The following SIL1 variants were observed in gnomAD, a reference collection of about 807,000 sequenced individuals.
SIL1 encodes nucleotide exchange factor SIL1.
Under a neutral mutation model 49.1 loss-of-function variants are expected in SIL1, and 40 were observed. The observed-to-expected ratio is 0.81, with a 90% CI of 0.63 to 1.06. SIL1 has a LOEUF of 1.06. SIL1 is among the 50% of genes least tolerant of loss of function. The pLI is 0.00. For synonymous variants in SIL1, 253 were observed against 250.8 expected (o/e 1.01, Z -0.08); for missense variants, 500 against 572.6 (o/e 0.87, Z 1.29).
chr5:139,064,227 T>C (rs1435366796), intron 3 of SIL1, among the ~76,000 whole-genome samples: 1 of 152,184 alleles, frequency 6.6e-6, no homozygotes, highest in Admixed American at 6.5e-5. Flanking sequence ...GCCCCTCAGT[T>C]TGGATACTCC....
chr5:139,094,453 C>A (rs1269564389), intron 3 of SIL1, among the ~76,000 whole-genome samples: 1 of 152,114 alleles, frequency 6.6e-6, no homozygotes, highest in Non-Finnish European at 1.5e-5. Context: ...TAAGTAAAAT[C>A]TATAGATTAA....
At chr5:139,167,752 T>A (rs1751653366) in intron 1 of SIL1, among the ~76,000 whole-genome samples, 1 of 152,244 alleles carries the variant, frequency 6.6e-6, no homozygotes, top group Non-Finnish European at 1.5e-5. Context: ...TAGGCTTTCA[T>A]ATTCACTGAC....
chr5:139,094,310 A>G (rs1770407595), intron 3 of SIL1, among the ~76,000 whole-genome samples: 1 of 152,234 alleles, frequency 6.6e-6, no homozygotes, highest in Non-Finnish European at 1.5e-5. Flanking sequence ...TCATTAGCCA[A>G]TCTTTATTGA....
chr5:139,113,306 A>T (rs1234540774), intron 3 of SIL1, among the ~76,000 whole-genome samples: 2 of 145,620 alleles, frequency 1.4e-5, no homozygotes, highest in South Asian at 4.4e-4. Flanking sequence ...AAAATAAAAT[A>T]AAAAATAAAT....
chr5:138,998,066 A>G (rs931374679), intron 7 of SIL1, among the ~76,000 whole-genome samples: 1 of 152,214 alleles, frequency 6.6e-6, no homozygotes, highest in African/African-American at 2.4e-5. Context: ...TCATTTTAAC[A>G]ATATTAATTA....
At chr5:139,194,679 C>T (rs1752232370) in intron 1 of SIL1, among the ~76,000 whole-genome samples, 1 of 151,776 alleles carries the variant, frequency 6.6e-6, no homozygotes, top group South Asian at 2.1e-4. Context: ...CATCTGGAGC[C>T]CCCAGAAAAA....
chr5:139,157,228 A>C (rs1458717653), intron 1 of SIL1, among the ~76,000 whole-genome samples: 2 of 152,236 alleles, frequency 1.3e-5, no homozygotes, highest in African/African-American at 4.8e-5. Flanking sequence ...AAGTAAATCA[A>C]ACTGTCTAAC....
At chr5:139,115,035 A>G (rs1459437960) in intron 3 of SIL1, among the ~76,000 whole-genome samples, 1 of 151,828 alleles carries the variant, frequency 6.6e-6, no homozygotes, top group Non-Finnish European at 1.5e-5. Flanking sequence ...TGGGCCTCAC[A>G]TGTGTGTGCA....
rs373584010 is a variant in SIL1, at chr5:139,160,143, T to TTACACA, written c.-10-32291_-10-32290insTGTGTA. On this transcript the variant is annotated intron_variant, in intron 1 of 9. Coordinates refer to ENST00000394817, the MANE Select transcript of SIL1 (RefSeq NM_022464.5). ...ACCCATCCCAATCACATTTCCACAA[T>TTACACA]CACACACACACACACACACACACAC... Among the ~76,000 whole-genome samples the TTACACA allele has an allele frequency of 1.8e-3, 243 of 137,864 alleles. 1 individual carries two copies. The highest frequency in any genetic ancestry group is 6.5e-3 in the African/African-American group (235 of 36,092). 90.4% of individuals were successfully genotyped at this position (137,864 alleles called of 152,430 possible). A position where few individuals can be genotyped will look rare whatever the true frequency, so the allele number is the denominator to read the frequency against.
chr5:139,118,302 C>T (rs1161371221), intron 3 of SIL1, among the ~76,000 whole-genome samples: 1 of 152,212 alleles, frequency 6.6e-6, no homozygotes, highest in East Asian at 1.9e-4. Context: ...CCCTCACCGG[C>T]ATCCAGTGAT....
At chr5:139,159,244 T>C (rs1021466146) in intron 1 of SIL1, among the ~76,000 whole-genome samples, 1 of 152,132 alleles carries the variant, frequency 6.6e-6, no homozygotes, top group Admixed American at 6.5e-5. Flanking sequence ...TCCTTTCTGA[T>C]GGAAGAAAGG....
At chr5:139,020,275 C>A (rs1475981915) in intron 7 of SIL1, among the ~76,000 whole-genome samples, 1 of 152,184 alleles carries the variant, frequency 6.6e-6, no homozygotes, top group Non-Finnish European at 1.5e-5. Context: ...ATGCTGAATG[C>A]CTTTCAGAGT....
At chr5:139,083,181 C>A (rs1770128445) in intron 3 of SIL1, among the ~76,000 whole-genome samples, 1 of 152,174 alleles carries the variant, frequency 6.6e-6, no homozygotes, top group Admixed American at 6.5e-5. Context: ...AGAGCACCTG[C>A]CACTGGGAGA....
intron 7 of SIL1, among the ~76,000 whole-genome samples, chr5:139,015,528 A>T (rs968549082): frequency 6.6e-6 from 1 of 152,206 alleles, no homozygotes; most frequent in Non-Finnish European, 1.5e-5. Flanking sequence ...AAGTGGCTAA[A>T]CTACATCATA....
chr5:139,176,972 G>A (rs1489431370), intron 1 of SIL1, among the ~76,000 whole-genome samples: 14 of 122,332 alleles, frequency 1.1e-4, no homozygotes, highest in Admixed American at 1.0e-3. Context: ...TCACTCTGTC[G>A]CCCAGGCTGG....
Position 139,060,733 on chromosome 5 carries a change from A to T in SIL1, c.245-9687T>A, listed in dbSNP as rs184921574. Among the ~76,000 whole-genome samples, 413 of 152,310 alleles carry T rather than the reference A, an allele frequency of 2.7e-3. 2 individuals carry two copies. Among genetic ancestry groups the T allele is most frequent in the African/African-American group, 9.2e-3 (384 of 41,560 alleles). ...ATCTCTTTTTAAATCCTTGAACAGC[A>T]ATTAGTCTATCAGACACAGTTCAAT... On this transcript the variant is annotated intron_variant, in intron 3 of 9. Transcript: ENST00000394817.
chr5:139,174,991 A>G (rs1751850019), intron 1 of SIL1, among the ~76,000 whole-genome samples: 1 of 151,028 alleles, frequency 6.6e-6, no homozygotes, highest in South Asian at 2.1e-4. Context: ...GAAAGTGGAG[A>G]TATTACCACT....
At chr5:139,081,133 G>C (rs1235964457) in intron 3 of SIL1, among the ~76,000 whole-genome samples, 2 of 152,228 alleles carry the variant, frequency 1.3e-5, no homozygotes, top group African/African-American at 4.8e-5. Context: ...CAAGGGAAGG[G>C]AAGTGGGTGC....
At chr5:139,195,630 G>A (rs1257039969) in intron 1 of SIL1, among the ~76,000 whole-genome samples, 2 of 151,538 alleles carry the variant, frequency 1.3e-5, no homozygotes, top group East Asian at 2.0e-4. Context: ...CTCGTGATCC[G>A]CCCACCTTGG....
Sources: allele counts gnomAD v4.1 joint callset (sites outside exome capture counted in the v4.1 genomes callset), GRCh38; gene constraint gnomAD v4.1.1; transcripts MANE v1.5; gene names NCBI Gene and HGNC (gene_info 2026-07-23, HGNC 2026-07-21).